The following CHST11 variants were observed in gnomAD, a reference collection of about 807,000 sequenced individuals.
The protein encoded by CHST11 is C4S-1.
CHST11 carries 9 observed loss-of-function variants against 30.4 expected under a neutral mutation model. The observed-to-expected ratio is 0.30, with a 90% CI of 0.18 to 0.52. The LOEUF is 0.52. Ranked by LOEUF, CHST11 falls within the 20% of genes least tolerant of loss-of-function variation. The pLI, the probability that CHST11 is intolerant of heterozygous loss-of-function variation, is 0.97. For synonymous variants in CHST11, 152 were observed against 187.8 expected, an observed-to-expected ratio of 0.81 and a Z score of 1.56; for missense variants, 348 against 460.6, an observed-to-expected ratio of 0.76 and a Z score of 2.24.
chr12:104,538,774 A>C (rs562155972), intron 1 of CHST11, among the ~76,000 whole-genome samples: 1 of 152,348 alleles, frequency 6.6e-6, no homozygotes, highest in East Asian at 1.9e-4. Flanking sequence ...GCATTATAAC[A>C]TCTGGCAGTG....
At chr12:104,476,318 TAC>T (rs908320696) in intron 1 of CHST11, among the ~76,000 whole-genome samples, 2 of 150,978 alleles carry the variant, frequency 1.3e-5, no homozygotes, top group Non-Finnish European at 3.0e-5. Context: ...ACATATGTTA[TAC>T]ACACATATAA....
At chr12:104,657,166 C>G (rs1275760753) in intron 2 of CHST11, among the ~76,000 whole-genome samples, 1 of 152,222 alleles carries the variant, frequency 6.6e-6, no homozygotes, top group East Asian at 1.9e-4. Flanking sequence ...ACCTAACAGT[C>G]AAGGGGAATC....
chr12:104,494,217 A>G (rs2037777265), intron 1 of CHST11, among the ~76,000 whole-genome samples: 1 of 152,200 alleles, frequency 6.6e-6, no homozygotes, highest in Non-Finnish European at 1.5e-5. Flanking sequence ...ATCTCCAAGG[A>G]GATCCCCTCT....
intron 1 of CHST11, chr12:104,514,506 T>TGCTA: frequency 1.6e-6 from 1 of 641,616 alleles, no homozygotes; most frequent in Non-Finnish European, 2.8e-6. Context: ...TGCTGGGATG[T>TGCTA]GCTAAGCTTT....
At chr12:104,565,863 C>A (rs562943993) in intron 1 of CHST11, among the ~76,000 whole-genome samples, 2 of 152,300 alleles carry the variant, frequency 1.3e-5, no homozygotes, top group South Asian at 2.1e-4. Context: ...CACTGTGTAC[C>A]ACTTTCTCCC....
intron 1 of CHST11, among the ~76,000 whole-genome samples, chr12:104,532,962 G>A (rs1375827413): frequency 1.3e-5 from 2 of 152,106 alleles, no homozygotes; most frequent in East Asian, 1.9e-4. Context: ...TCCTTTTAGA[G>A]ATAGGTTCTC....
At chr12:104,514,313 T>C (rs2037998557) in intron 1 of CHST11, 7 of 930,470 alleles carry the variant, frequency 7.5e-6, no homozygotes, top group Admixed American at 5.1e-5. Context: ...GCCTGATCAT[T>C]GGCTGTGCCA....
At chr12:104,497,909 C>CTTTTTTTTTTTT (rs1205174607) in intron 1 of CHST11, among the ~76,000 whole-genome samples, 3 of 75,674 alleles carry the variant, frequency 4.0e-5, no homozygotes, top group African/African-American at 5.7e-5. Flanking sequence ...CCTGCCCCCT[C>CTTTTTTTTTTTT]TTTTTTTTTT....
intron 1 of CHST11, among the ~76,000 whole-genome samples, chr12:104,476,206 A>G (rs1263876700): frequency 6.8e-6 from 1 of 147,562 alleles, no homozygotes; most frequent in Non-Finnish European, 1.5e-5. Context: ...ACATGCAAAA[A>G]CAATATTACA....
At chr12:104,532,715 C>CA (rs2038196842) in intron 1 of CHST11, among the ~76,000 whole-genome samples, 1 of 152,160 alleles carries the variant, frequency 6.6e-6, no homozygotes, top group African/African-American at 2.4e-5. Context: ...CACCGTGTGC[C>CA]AGCCATTGAT....
chr12:104,667,569 G>A (rs2039653006), intron 2 of CHST11, among the ~76,000 whole-genome samples: 1 of 152,184 alleles, frequency 6.6e-6, no homozygotes, highest in Non-Finnish European at 1.5e-5. Flanking sequence ...TAGACGAGTG[G>A]TCCTAACTTT....
chr12:104,558,538 T>TCCCCTCCCC (rs2038481136), intron 1 of CHST11, among the ~76,000 whole-genome samples: 1 of 117,760 alleles, frequency 8.5e-6, no homozygotes. Context: ...CAGCAGAAAT[T>TCCCCTCCCC]CCCCCCCCCG....
intron 2 of CHST11, among the ~76,000 whole-genome samples, chr12:104,686,347 G>GT (rs1268625954): frequency 6.6e-6 from 1 of 151,990 alleles, no homozygotes; most frequent in Non-Finnish European, 1.5e-5. Flanking sequence ...CTGATTCCAG[G>GT]TGCCAGAATG....
At chr12:104,472,395 A>G in intron 1 of CHST11, among the ~76,000 whole-genome samples, 1 of 133,780 alleles carries the variant, frequency 7.5e-6, no homozygotes, top group African/African-American at 3.6e-5. Flanking sequence ...TTTTATACAC[A>G]CACACACACA....
intron 1 of CHST11, among the ~76,000 whole-genome samples, chr12:104,568,942 A>G (rs1296335000): frequency 6.6e-6 from 1 of 152,222 alleles, no homozygotes; most frequent in Non-Finnish European, 1.5e-5. Context: ...ATGTAGCGAC[A>G]TTTATTAAAT....
At chr12:104,607,947 T>C (rs1446886462) in intron 2 of CHST11, among the ~76,000 whole-genome samples, 5 of 152,154 alleles carry the variant, frequency 3.3e-5, no homozygotes, top group Non-Finnish European at 7.3e-5. Flanking sequence ...GCCTCAGCAT[T>C]GTCATCTATA....
At position 104,600,189 on chromosome 12, in the gene CHST11, C is replaced by T. The variant is rs984198988; in HGVS notation, c.119-1717C>T. Reference sequence around the variant, plus strand: ...CACGTGGCTCAAAGTGACAAGTCAACGGAGGCTCACCTGAGCAGTAGTTTT... The same window carrying T: ...CACGTGGCTCAAAGTGACAAGTCAATGGAGGCTCACCTGAGCAGTAGTTTT... On this transcript the variant is annotated intron_variant, in intron 1 of 2. Transcript: ENST00000303694. This position sits in a 1 kb window ranked among gnomAD's most constrained non-coding sequence, Gnocchi z 4.1. 3.9e-5 allele frequency among the ~76,000 whole-genome samples: 6 copies of T among 152,224 alleles called. No individual in the cohort carries two copies. The highest frequency in any genetic ancestry group is 9.7e-5 in the African/African-American group (4 of 41,444).
chr12:104,630,543 G>C lies in CHST11; in HGVS notation c.204+28552G>C, dbSNP rs142294401. ...ATGAAATCCGAGAAGCCAGGCTGACGGGGAAAGAAGACACCAGAGAATATC... is the reference window on the plus strand; with the variant it reads ...ATGAAATCCGAGAAGCCAGGCTGACCGGGAAAGAAGACACCAGAGAATATC... On this transcript the variant is annotated intron_variant, in intron 2 of 2. Transcript: ENST00000303694. 4.2e-3 allele frequency among the ~76,000 whole-genome samples: 636 copies of C among 152,268 alleles called. 9 individuals are homozygous for C. Among genetic ancestry groups the C allele is most frequent in the African/African-American group, 0.014 (581 of 41,552 alleles).
chr12:104,553,627 C>T (rs987729436), intron 1 of CHST11, among the ~76,000 whole-genome samples: 10 of 149,890 alleles, frequency 6.7e-5, no homozygotes, highest in African/African-American at 2.5e-4. Flanking sequence ...AAGTGCCACA[C>T]CCTTAAACCA....
Sources: gnomAD v4.1 joint callset for allele counts (sites outside exome capture counted in the v4.1 genomes callset) on GRCh38, gnomAD v4.1.1 for gene constraint, Gnocchi (gnomAD v3.1) non-coding constraint, MANE v1.5 for transcripts, NCBI Gene and HGNC (gene_info 2026-07-23, HGNC 2026-07-21) for gene names.